The following NFIA variants were observed in gnomAD, a reference collection of about 807,000 sequenced individuals.
NFIA encodes nuclear factor I A, also known as nuclear factor 1 A-type.
In NFIA, 8 loss-of-function variants were observed where a neutral mutation model predicts 62.8. That is an observed-to-expected ratio of 0.13 (90% CI 0.07 to 0.23). NFIA has a LOEUF of 0.23. Ranked by LOEUF, NFIA falls within the 10% of genes least tolerant of loss-of-function variation. The pLI, the probability that NFIA is intolerant of heterozygous loss-of-function variation, is 1.00. For synonymous variants in NFIA, 235 were observed against 238.1 expected (o/e 0.99, Z 0.12); for missense variants, 410 against 642.1 (o/e 0.64, Z 3.91).
At chr1:61,237,995 C>T (rs902440870) in intron 2 of NFIA, among the ~76,000 whole-genome samples, 9 of 152,164 alleles carry the variant, frequency 5.9e-5, no homozygotes, top group African/African-American at 2.2e-4. Context: ...TCTAATAATT[C>T]TTTGTATGTA....
intron 1 of NFIA, 97 bp downstream of exon 1, chr1:61,082,915 G>T: frequency 1.5e-6 from 2 of 1,324,848 alleles, no homozygotes; most frequent in Non-Finnish European, 2.0e-6. Flanking sequence ...CTCCGGCCGG[G>T]CCCAGGGCGT....
intron 2 of NFIA, among the ~76,000 whole-genome samples, chr1:61,145,221 A>G (rs1570257805): frequency 6.6e-6 from 1 of 152,214 alleles, no homozygotes; most frequent in South Asian, 2.1e-4. Flanking sequence ...TCCCTTAAGC[A>G]CAGTAGGAAC....
intron 9 of NFIA, among the ~76,000 whole-genome samples, chr1:61,425,970 G>A (rs1002688773): frequency 2.6e-5 from 4 of 152,188 alleles, no homozygotes; most frequent in African/African-American, 7.2e-5. Context: ...GAACCCATTA[G>A]TTCCTTCTAT....
chr1:61,441,423 A>G (rs1667578033), intron 10 of NFIA, among the ~76,000 whole-genome samples: 1 of 151,652 alleles, frequency 6.6e-6, no homozygotes, highest in South Asian at 2.1e-4. Flanking sequence ...TCTGATCTTC[A>G]CAGTGCAGAC....
At chr1:61,099,700 A>G (rs1646476751) in intron 2 of NFIA, among the ~76,000 whole-genome samples, 1 of 152,210 alleles carries the variant, frequency 6.6e-6, no homozygotes, top group Non-Finnish European at 1.5e-5. Context: ...TTCAGAGAGC[A>G]TCTCACTTGA....
intron 2 of NFIA, among the ~76,000 whole-genome samples, chr1:61,225,394 G>A (rs1490689010): frequency 2.0e-5 from 3 of 151,134 alleles, no homozygotes; most frequent in Non-Finnish European, 4.4e-5. Context: ...GGGACTACAG[G>A]TGCATGCCAC....
At chr1:61,289,867 T>C (rs1201302529) in intron 3 of NFIA, among the ~76,000 whole-genome samples, 1 of 152,178 alleles carries the variant, frequency 6.6e-6, no homozygotes, top group Non-Finnish European at 1.5e-5. Context: ...GGATTATATG[T>C]CTGGATGTAG....
intron 3 of NFIA, among the ~76,000 whole-genome samples, chr1:61,290,669 C>A (rs1376526940): frequency 6.6e-6 from 1 of 152,176 alleles, no homozygotes; most frequent in Non-Finnish European, 1.5e-5. Context: ...GAGCTTGAGC[C>A]AGTTCTAAAA....
chr1:61,425,312 A>G (rs1339500710), intron 9 of NFIA, among the ~76,000 whole-genome samples: 1 of 152,172 alleles, frequency 6.6e-6, no homozygotes, highest in Non-Finnish European at 1.5e-5. Context: ...AGAGGAGCAG[A>G]TGATGTCAAT....
intron 3 of NFIA, among the ~76,000 whole-genome samples, chr1:61,283,906 A>C (rs1374724697): frequency 1.3e-5 from 2 of 152,170 alleles, no homozygotes; most frequent in Non-Finnish European, 2.9e-5. Context: ...GTTTTGATGA[A>C]TGTGTCATTT....
At chr1:61,329,926 C>A (rs1661200691) in intron 3 of NFIA, among the ~76,000 whole-genome samples, 1 of 152,028 alleles carries the variant, frequency 6.6e-6, no homozygotes, top group Non-Finnish European at 1.5e-5. Context: ...GAGGGAAGGT[C>A]CTGAGCCACA....
chr1:61,382,053 A>G (rs1210791704), intron 6 of NFIA, among the ~76,000 whole-genome samples: 1 of 152,232 alleles, frequency 6.6e-6, no homozygotes, highest in African/African-American at 2.4e-5. Flanking sequence ...GTAAACATGT[A>G]TAAGTAAAAT....
chr1:61,238,072 T>C (rs543976338), intron 2 of NFIA, among the ~76,000 whole-genome samples: 1 of 152,316 alleles, frequency 6.6e-6, no homozygotes, highest in South Asian at 2.1e-4. Flanking sequence ...ATTATAATGA[T>C]CCAAGTAAAT....
At chr1:61,154,805 G>T (rs1276508849) in intron 2 of NFIA, among the ~76,000 whole-genome samples, 3 of 152,190 alleles carry the variant, frequency 2.0e-5, no homozygotes, top group African/African-American at 7.2e-5. Flanking sequence ...GAAGTAATCT[G>T]CATATAAACC....
chr1:61,184,569 T>C (rs1557621205), intron 2 of NFIA, among the ~76,000 whole-genome samples: 1 of 152,264 alleles, frequency 6.6e-6, no homozygotes, highest in Non-Finnish European at 1.5e-5. Context: ...TACAGCACAC[T>C]CGCTGGGTGA....
At chr1:61,224,601 T>C (rs1040051130) in intron 2 of NFIA, among the ~76,000 whole-genome samples, 6 of 152,188 alleles carry the variant, frequency 3.9e-5, no homozygotes, top group African/African-American at 1.4e-4. Context: ...CTGACCCTTC[T>C]GTTTATCTGA....
At chr1:61,420,374 A>G (rs1997997) in intron 9 of NFIA, among the ~76,000 whole-genome samples, 84,728 of 150,706 alleles carry the variant, frequency 0.56, 24,822 homozygotes, top group African/African-American at 0.74. Flanking sequence ...TTCTCACAGG[A>G]CCTTTTTTTT....
intron 9 of NFIA, among the ~76,000 whole-genome samples, chr1:61,411,934 G>A (rs1666124360): frequency 6.6e-6 from 1 of 151,774 alleles, no homozygotes; most frequent in Non-Finnish European, 1.5e-5. Flanking sequence ...GTGGAGTGAG[G>A]ATGCATTTGG....
intron 2 of NFIA, among the ~76,000 whole-genome samples, chr1:61,218,413 A>G (rs1257044303): frequency 2.0e-5 from 3 of 152,202 alleles, no homozygotes; most frequent in African/African-American, 7.2e-5. Context: ...TCGTTCCCAG[A>G]CATTCCCACA....
Sources: gnomAD v4.1 joint callset for allele counts (sites outside exome capture counted in the v4.1 genomes callset) on GRCh38, gnomAD v4.1.1 for gene constraint, MANE v1.5 for transcripts, NCBI Gene and HGNC (gene_info 2026-07-23, HGNC 2026-07-21) for gene names.